Variants in BLOC1S3 observed in about 807,000 individuals in gnomAD.
BLOC1S3 encodes biogenesis of lysosomal organelles complex 1 subunit 3, also known as biogenesis of lysosome-related organelles complex 1 subunit 3.
In BLOC1S3, 7 loss-of-function variants were observed where a neutral mutation model predicts 9.1. That is an observed-to-expected ratio of 0.77 (90% confidence interval 0.44 to 1.45). The LOEUF (loss-of-function observed/expected upper bound fraction) is 1.45, where lower values mean the gene tolerates loss of function less well. Ranked by LOEUF, BLOC1S3 falls within the 40% of genes most tolerant of loss-of-function variation. BLOC1S3 has a pLI of 0.01. For synonymous variants in BLOC1S3, 145 were observed against 158.4 expected (o/e 0.92, Z 0.64); for missense variants, 307 against 315.2 (o/e 0.97, Z 0.20).
chr19:45,213,753 T>G (rs1016347093), intron 3 of BLOC1S3, among the ~76,000 whole-genome samples: 2 of 151,132 alleles, frequency 1.3e-5, no homozygotes, highest in African/African-American at 4.9e-5. Context: ...GAGACCAGCC[T>G]GGCCAACATG....
At chr19:45,207,752 A>T (rs887721655) in intron 3 of BLOC1S3, among the ~76,000 whole-genome samples, 1 of 151,778 alleles carries the variant, frequency 6.6e-6, no homozygotes, top group Non-Finnish European at 1.5e-5. Flanking sequence ...ATTAAAAAAA[A>T]TTTTTGCCTA....
At chr19:45,195,297 C>G (rs1015355089) in intron 2 of BLOC1S3, among the ~76,000 whole-genome samples, 2 of 152,076 alleles carry the variant, frequency 1.3e-5, no homozygotes, top group East Asian at 1.9e-4. Flanking sequence ...GCCTAGACCT[C>G]CTGGGCTCAG....
At chr19:45,184,381 G>C (rs1485991469), downstream of BLOC1S3, among the ~76,000 whole-genome samples, 1 of 152,160 alleles carries the variant, frequency 6.6e-6, no homozygotes, top group African/African-American at 2.4e-5. Flanking sequence ...CAAGGTGAAA[G>C]CACTGATTGA....
At chr19:45,188,414 GT>G (rs974953175) in intron 2 of BLOC1S3, among the ~76,000 whole-genome samples, 1 of 151,952 alleles carries the variant, frequency 6.6e-6, no homozygotes, top group Non-Finnish European at 1.5e-5. Context: ...GCCTCAAGCA[GT>G]CCCCCATCTC....
chr19:45,195,261 C>G (rs1054254594), intron 2 of BLOC1S3, among the ~76,000 whole-genome samples: 1 of 152,002 alleles, frequency 6.6e-6, no homozygotes, highest in Non-Finnish European at 1.5e-5. Flanking sequence ...TCCTAAGGTG[C>G]GGTGGCATGG....
chr19:45,196,720 G>A (rs1177504398), intron 2 of BLOC1S3, among the ~76,000 whole-genome samples: 2 of 151,710 alleles, frequency 1.3e-5, no homozygotes, highest in African/African-American at 4.8e-5. Context: ...GTGAAACCCT[G>A]TCTCTACTAA....
intron 3 of BLOC1S3, among the ~76,000 whole-genome samples, chr19:45,214,505 G>C (rs752018056): frequency 2.0e-5 from 3 of 151,916 alleles, no homozygotes; most frequent in Admixed American, 6.6e-5. Flanking sequence ...TGCTCTGTTG[G>C]CCAGGCTGGA....
intron 2 of BLOC1S3, among the ~76,000 whole-genome samples, chr19:45,191,382 A>G (rs760871004): frequency 1.1e-4 from 16 of 152,072 alleles, no homozygotes; most frequent in Admixed American, 3.3e-4. Flanking sequence ...CGGCCTCCCA[A>G]AGTGCTGGTA....
At chr19:45,196,236 G>T (rs916570786) in intron 2 of BLOC1S3, among the ~76,000 whole-genome samples, 1 of 151,952 alleles carries the variant, frequency 6.6e-6, no homozygotes, top group African/African-American at 2.4e-5. Flanking sequence ...CTGTTGCCCA[G>T]GCATGGTGGC....
chr19:45,189,434 T>G (rs1969588707), intron 2 of BLOC1S3, among the ~76,000 whole-genome samples: 1 of 151,428 alleles, frequency 6.6e-6, no homozygotes, highest in Non-Finnish European at 1.5e-5. Flanking sequence ...CTTCTTTTTT[T>G]TTTTTTTCTT....
At chr19:45,207,835 GGAGT>G (rs1309815812) in intron 3 of BLOC1S3, among the ~76,000 whole-genome samples, 1 of 152,210 alleles carries the variant, frequency 6.6e-6, no homozygotes, top group African/African-American at 2.4e-5. Flanking sequence ...GGTACACATA[GGAGT>G]GAGTAAAACC....
In BLOC1S3 at chr19:45,208,223, T is replaced by C. The variant is rs542663551; in HGVS notation, n.282+5716T>C. ...TCCTGATCTCGTGATCTGCCCTCCTTGACCTCCCAAAGTGCTGGGATTACA... is the reference window on the plus strand; with the variant it reads ...TCCTGATCTCGTGATCTGCCCTCCTCGACCTCCCAAAGTGCTGGGATTACA... On this transcript the variant is annotated intron_variant and non_coding_transcript_variant, in intron 3 of 3. Transcript: ENST00000591569. 2.6e-5 allele frequency among the ~76,000 whole-genome samples: 4 copies of C among 151,608 alleles called. No homozygotes were observed. The East Asian group carries it at 7.9e-4, about 30-fold the overall frequency.
At position 45,180,318 on chromosome 19, in the gene BLOC1S3, C is replaced by G. The variant is rs1466789499; in HGVS notation, c.*413C>G. 1 of 152,686 alleles carries G rather than the reference C, an allele frequency of 6.5e-6. No individual in the cohort carries two copies. The highest frequency in any genetic ancestry group is 6.9e-5 in the Admixed American group (1 of 14,526). The allele number at this position is 152,686 out of a possible 1,614,324, so 9.5% of individuals were successfully genotyped here. ...AGTGCAGTGGCGGGATTACTGCTCACTGCAACCTCGACCTCCTGGGCTCAA... is the reference window on the plus strand; with the variant it reads ...AGTGCAGTGGCGGGATTACTGCTCAGTGCAACCTCGACCTCCTGGGCTCAA... On this transcript the variant is annotated 3_prime_UTR_variant, in exon 2 of 2. Transcript: ENST00000433642.
At position 45,179,035 on chromosome 19, in the gene BLOC1S3, G is replaced by A. The variant is rs1014463193; in HGVS notation, c.-10+204G>A. Among the ~76,000 whole-genome samples the A allele has an allele frequency of 5.3e-5, 8 of 152,192 alleles. No homozygotes were observed. Among genetic ancestry groups the A allele is most frequent in the African/African-American group, 1.7e-4 (7 of 41,440 alleles). ...CAAATTCGTAAAGACCTCGGCTTGG[G>A]ACTCCGGGAACTCGGGCCCCAGATC... On this transcript the variant is annotated intron_variant, in intron 1 of 1. Transcript: ENST00000433642. The surrounding 1 kb of genome is among the most constrained non-coding windows in gnomAD (Gnocchi z 4.6).
intron 2 of BLOC1S3, among the ~76,000 whole-genome samples, chr19:45,188,722 G>A (rs1442248722): frequency 2.6e-5 from 4 of 151,640 alleles, no homozygotes; most frequent in African/African-American, 9.7e-5. Context: ...ACAGGCACGC[G>A]CCCCCATGCC....
chr19:45,203,434 C>T (rs1599755499), intron 3 of BLOC1S3, among the ~76,000 whole-genome samples: 5 of 152,100 alleles, frequency 3.3e-5, no homozygotes, highest in Admixed American at 3.3e-4. Context: ...CCACCATTCC[C>T]AGCTAATTTT....
At chr19:45,202,156 T>G (rs2627644) in intron 2 of BLOC1S3, among the ~76,000 whole-genome samples, 4,328 of 145,552 alleles carry the variant, frequency 0.03, 200 homozygotes, top group African/African-American at 0.11. Context: ...AGCTTGCAGT[T>G]AGCCCAGACT....
At chr19:45,202,177 A>T (rs1050469480) in intron 2 of BLOC1S3, among the ~76,000 whole-genome samples, 5 of 130,186 alleles carry the variant, frequency 3.8e-5, no homozygotes, top group African/African-American at 1.5e-4. Flanking sequence ...GTGCCACTGC[A>T]CTCCAGCCTG....
At chr19:45,197,023 G>A (rs572052220) in intron 2 of BLOC1S3, among the ~76,000 whole-genome samples, 2 of 152,044 alleles carry the variant, frequency 1.3e-5, no homozygotes, top group East Asian at 1.9e-4. Context: ...AGGGGCCCAC[G>A]GGGTTTCCTG....
Sources: gnomAD v4.1 joint callset for allele counts (sites outside exome capture counted in the v4.1 genomes callset) on GRCh38, gnomAD v4.1.1 for gene constraint, Gnocchi (gnomAD v3.1) non-coding constraint, MANE v1.5 for transcripts, NCBI Gene and HGNC (gene_info 2026-07-23, HGNC 2026-07-21) for gene names.